The following UBR3 variants were observed in gnomAD, a reference collection of about 807,000 sequenced individuals.
UBR3 encodes the protein E3 ubiquitin-protein ligase UBR3.
Under a neutral mutation model 243.2 loss-of-function variants are expected in UBR3, and 85 were observed. The ratio of observed to expected loss-of-function variants is 0.35; its 90% CI spans 0.29 to 0.42. The LOEUF (loss-of-function observed/expected upper bound fraction) is 0.42, where lower values mean the gene tolerates loss of function less well. Ranked by LOEUF, UBR3 falls within the 10% of genes least tolerant of loss-of-function variation. The pLI, the probability that UBR3 is intolerant of heterozygous loss-of-function variation, is 1.00. For missense variants in UBR3, 1,686 were observed against 2,300.8 expected, an observed-to-expected ratio of 0.73 and a Z score of 5.47; for synonymous variants, 748 against 799.8, an observed-to-expected ratio of 0.94 and a Z score of 1.09.
At chr2:170,013,687 A>G (rs2090150148) in intron 29 of UBR3, among the ~76,000 whole-genome samples, 3 of 152,138 alleles carry the variant, frequency 2.0e-5, no homozygotes, top group African/African-American at 7.2e-5. Flanking sequence ...TTATATTTTA[A>G]TAAATATTTT....
intron 1 of UBR3, among the ~76,000 whole-genome samples, chr2:169,855,490 C>T (rs1015209977): frequency 6.6e-6 from 1 of 151,852 alleles, no homozygotes; most frequent in Non-Finnish European, 1.5e-5. Context: ...AGGCAGAGGG[C>T]CCTGCCGCCT....
intron 25 of UBR3, among the ~76,000 whole-genome samples, chr2:169,990,453 C>G (rs1254841488): frequency 6.6e-6 from 1 of 151,964 alleles, no homozygotes; most frequent in African/African-American, 2.4e-5. Context: ...TCAGAAAGAG[C>G]AGTTAGTTTT....
intron 24 of UBR3, among the ~76,000 whole-genome samples, chr2:169,971,285 C>T (rs957941485): frequency 9.9e-5 from 15 of 151,362 alleles, no homozygotes; most frequent in African/African-American, 2.9e-4. Context: ...TGCCTGTTCA[C>T]TCTGATGGTA....
At chr2:169,935,317 C>T (rs575885346) in intron 19 of UBR3, among the ~76,000 whole-genome samples, 1 of 152,288 alleles carries the variant, frequency 6.6e-6, no homozygotes, top group Non-Finnish European at 1.5e-5. Context: ...AGGTGCACAC[C>T]ACCATGCCTG....
chr2:170,039,550 G>C (rs778675189), intron 31 of UBR3, among the ~76,000 whole-genome samples: 4 of 152,136 alleles, frequency 2.6e-5, no homozygotes, highest in Non-Finnish European at 5.9e-5. Flanking sequence ...TCCTCTGTCA[G>C]CCAAAAGTTT....
At chr2:169,990,881 A>G (rs1374625525) in intron 25 of UBR3, among the ~76,000 whole-genome samples, 1 of 151,758 alleles carries the variant, frequency 6.6e-6, no homozygotes, top group Non-Finnish European at 1.5e-5. Context: ...TTTTAAAGTT[A>G]ATAATTACTT....
chr2:169,878,122 A>G (rs2083683396), intron 4 of UBR3, among the ~76,000 whole-genome samples: 1 of 152,150 alleles, frequency 6.6e-6, no homozygotes, highest in Non-Finnish European at 1.5e-5. Flanking sequence ...GCAGTTTGGG[A>G]GGCCGAGGTG....
chr2:169,997,573 A>AGC (rs765480280), intron 26 of UBR3, among the ~76,000 whole-genome samples: 23 of 151,994 alleles, frequency 1.5e-4, no homozygotes, highest in Admixed American at 3.3e-4. Context: ...CGCTACCCAC[A>AGC]GCTCTGTGAG....
chr2:169,949,616 A>G lies in UBR3; in HGVS notation c.3096A>G (p.Thr1032=). The G allele has an allele frequency of 2.6e-6, 4 of 1,538,462 alleles. No individual in the cohort carries two copies. The highest frequency in any genetic ancestry group is 2.6e-6 in the Non-Finnish European group (3 of 1,142,142). ...DNLGSLQNSG[T]AQVFSLVAER... ...TTTGTTAATGGTAGAATTCTGGTAC[A>G]GCTCAAGTTTTCAGTTTAGTAGCAG... is the stretch of plus-strand genomic sequence containing the variant. Residue 1032 remains threonine, a synonymous_variant, in exon 23 of 39, where the codon ACA becomes ACG. Coordinates refer to ENST00000272793, the MANE Select transcript of UBR3 (RefSeq NM_172070.4).
intron 2 of UBR3, among the ~76,000 whole-genome samples, chr2:169,872,977 A>G (rs2083480526): frequency 6.6e-6 from 1 of 152,000 alleles, no homozygotes; most frequent in Non-Finnish European, 1.5e-5. Context: ...AAATATTTGG[A>G]TTTAGGTATC....
At chr2:169,918,002 C>T (rs2085530688) in intron 11 of UBR3, among the ~76,000 whole-genome samples, 1 of 152,160 alleles carries the variant, frequency 6.6e-6, no homozygotes, top group African/African-American at 2.4e-5. Flanking sequence ...TGTGCTGGGT[C>T]CATGTCATGT....
Position 169,949,875 on chromosome 2 carries a change from A to G in UBR3, c.3355A>G (p.Ile1119Val). Reference sequence around the variant, plus strand: ...TTGGCTTGATGACATAGAAATTTTAATCCAACCAGAAATTCCTAAATACAG... The same window carrying G: ...TTGGCTTGATGACATAGAAATTTTAGTCCAACCAGAAATTCCTAAATACAG... The part of the protein sequence containing the change: ...PPWLDDIEIL[I>V]QPEIPKYSHG... The change falls in exon 23 of 39, where the codon ATC becomes GTC. Residue 1119 changes from isoleucine to valine, a missense_variant. Around this residue, in one of 8 missense-constraint regions of UBR3, gnomAD observed 300 missense variants for 314.4 expected, o/e 0.95. Transcript: ENST00000272793. 6.2e-7 allele frequency: 1 copy of G among 1,603,774 alleles called. No homozygotes were observed.
At chr2:169,842,249 C>A (rs2082321329) in intron 1 of UBR3, among the ~76,000 whole-genome samples, 1 of 151,946 alleles carries the variant, frequency 6.6e-6, no homozygotes, top group Non-Finnish European at 1.5e-5. Context: ...TCTCGTGGGG[C>A]CTTGGAGAAC....
At chr2:170,038,159 G>C (rs1222782799) in intron 31 of UBR3, among the ~76,000 whole-genome samples, 1 of 152,076 alleles carries the variant, frequency 6.6e-6, no homozygotes, top group Non-Finnish European at 1.5e-5. Context: ...TAAAAGCTCT[G>C]CAATTTGTTG....
intron 30 of UBR3, among the ~76,000 whole-genome samples, chr2:170,015,770 T>G (rs2090218059): frequency 6.6e-6 from 1 of 151,948 alleles, no homozygotes; most frequent in African/African-American, 2.4e-5. Flanking sequence ...TATTTTGATG[T>G]GTATATTAAA....
chr2:169,958,788 G>A (rs970590753), intron 24 of UBR3, among the ~76,000 whole-genome samples: 1 of 152,016 alleles, frequency 6.6e-6, no homozygotes, highest in Non-Finnish European at 1.5e-5. Context: ...CTGTTAAACG[G>A]TCTTTAGATT....
intron 3 of UBR3, among the ~76,000 whole-genome samples, chr2:169,876,454 A>G (rs1051861547): frequency 6.6e-6 from 1 of 152,054 alleles, no homozygotes; most frequent in African/African-American, 2.4e-5. Flanking sequence ...CCTCACAATT[A>G]ATTTATGTTG....
chr2:170,041,095 C>T (rs1357668974), intron 32 of UBR3, 110 bp downstream of exon 32: 3 of 1,054,260 alleles, frequency 2.8e-6, no homozygotes, highest in South Asian at 1.6e-5. Context: ...GTAATCCCCG[C>T]ACTTTAGGAG....
chr2:169,876,660 C>T (rs1486645147), intron 3 of UBR3, among the ~76,000 whole-genome samples: 1 of 151,636 alleles, frequency 6.6e-6, no homozygotes, highest in South Asian at 2.1e-4. Flanking sequence ...TGGGTTCAAG[C>T]GATTCTCCTG....
Sources: allele counts gnomAD v4.1 joint callset (sites outside exome capture counted in the v4.1 genomes callset), GRCh38; gene constraint gnomAD v4.1.1; regional missense constraint gnomAD v4.1.1; transcripts MANE v1.5; gene names NCBI Gene and HGNC (gene_info 2026-07-23, HGNC 2026-07-21).